Variants in MYO5A observed in about 807,000 individuals in gnomAD.
The protein encoded by MYO5A is unconventional myosin-Va.
A neutral mutation model predicts 249.7 loss-of-function variants in MYO5A; 98 were observed. The ratio of observed to expected loss-of-function variants is 0.39; its 90% confidence interval spans 0.33 to 0.46. The LOEUF (loss-of-function observed/expected upper bound fraction) is 0.46. Ranked by LOEUF, MYO5A falls within the 20% of genes least tolerant of loss-of-function variation. The pLI, the probability that MYO5A is intolerant of heterozygous loss-of-function variation, is 0.98. For missense variants in MYO5A, 1,696 were observed against 2,308.8 expected (o/e 0.73, Z 5.44); for synonymous variants, 778 against 810.6 (o/e 0.96, Z 0.68).
At chr15:52,314,004 A>C in intron 41 of MYO5A, 119 bp downstream of exon 41, 1 of 1,288,292 alleles carries the variant, frequency 7.8e-7, no homozygotes, top group East Asian at 2.4e-5. Flanking sequence ...TATTATCAAA[A>C]AAGTTAGTGC....
chr15:52,395,346 T>C (rs145965078), intron 11 of MYO5A, among the ~76,000 whole-genome samples: 3,428 of 152,312 alleles, frequency 0.023, 71 homozygotes, highest in Middle Eastern at 0.054. Flanking sequence ...ACCAAATTTG[T>C]AACTTGCAGT....
rs2040476177 is a variant in MYO5A at position 52,360,695 on chromosome 15, C to T, written c.3310-614G>A. On this transcript the variant is annotated intron_variant, in intron 24 of 41. Transcript: ENST00000399233. ...AGAGCCCTCGGTTATTACCTCAGGG[C>T]ATCCAGGTGGCATTTTTATGACATG... 1.3e-5 allele frequency among the ~76,000 whole-genome samples: 2 copies of T among 152,228 alleles called. 1 individual carries two copies. Among genetic ancestry groups the T allele is most frequent in the Middle Eastern group, 6.8e-3 (2 of 294 alleles).
intron 1 of MYO5A, among the ~76,000 whole-genome samples, chr15:52,472,080 ATTT>A (rs71130164): frequency 3.6e-5 from 5 of 139,544 alleles, no homozygotes; most frequent in Non-Finnish European, 3.1e-5. Context: ...TTATCCTGAC[ATTT>A]TTTTTTTTTT....
In MYO5A at chr15:52,307,572, G is replaced by A. The variant is rs1401477477; in HGVS notation, c.*6124C>T. On this transcript the variant is annotated 3_prime_UTR_variant, in exon 42 of 42. Coordinates refer to ENST00000399233, the MANE Select transcript of MYO5A (RefSeq NM_001382347.1). ...AGAGTTAGTTGATAATGCCTTTCAT[G>A]TCTCAGTATTTCTGCTTCCTTTTTA... 6.6e-6 allele frequency: 1 copy of A among 152,088 alleles called. No homozygotes were observed. Among genetic ancestry groups the A allele is most frequent in the African/African-American group, 2.4e-5 (1 of 41,432 alleles). The allele number at this position is 152,088 out of a possible 1,614,324, so 9.4% of individuals were successfully genotyped here.
chr15:52,322,327 T>A (rs958382777), intron 37 of MYO5A, among the ~76,000 whole-genome samples: 1 of 152,232 alleles, frequency 6.6e-6, no homozygotes, highest in Non-Finnish European at 1.5e-5. Context: ...TTTCCCATCA[T>A]CTGCCTGTCA....
intron 31 of MYO5A, among the ~76,000 whole-genome samples, chr15:52,342,870 C>T (rs1156595909): frequency 1.3e-5 from 2 of 151,352 alleles, no homozygotes; most frequent in Admixed American, 6.6e-5. Context: ...GAGCTGAGAT[C>T]GCACCACTGC....
chr15:52,401,597 G>T (rs1309935205), intron 9 of MYO5A, among the ~76,000 whole-genome samples: 2 of 152,012 alleles, frequency 1.3e-5, no homozygotes, highest in Admixed American at 1.3e-4. Flanking sequence ...AGTTTCCTCT[G>T]TCTTTGATAT....
chr15:52,405,235 A>C, intron 9 of MYO5A, 52 bp downstream of exon 9: 1 of 1,322,692 alleles, frequency 7.6e-7, no homozygotes. Flanking sequence ...ACAATCTACA[A>C]ATCTAAAACA....
At chr15:52,394,951 G>T (rs2042420169) in intron 11 of MYO5A, among the ~76,000 whole-genome samples, 1 of 152,202 alleles carries the variant, frequency 6.6e-6, no homozygotes, top group Non-Finnish European at 1.5e-5. Flanking sequence ...AAAGTTTTAA[G>T]ATCACTTCTA....
intron 6 of MYO5A, 105 bp downstream of exon 6, chr15:52,410,228 A>G (rs1238492262): frequency 1.5e-6 from 2 of 1,328,536 alleles, no homozygotes; most frequent in South Asian, 1.2e-5. Flanking sequence ...ATATTGTCAT[A>G]ATATGCTCAA....
Position 52,405,372 on chromosome 15 carries a change from A to G in MYO5A, c.968T>C (p.Met323Thr), listed in dbSNP as rs1172688121. The G allele has an allele frequency of 2.5e-6, 4 of 1,611,846 alleles. No individual in the cohort carries two copies. The African/African-American group carries it at 5.3e-5, about 22-fold the overall frequency. ...TLLGISESHQ[M>T]GIFRILAGIL... Reference sequence around the variant, plus strand: ...GCCAGCAAGTATTCGGAAAATTCCCATTTGATGAGATTCACTAATTCCTGA... The same window carrying G: ...GCCAGCAAGTATTCGGAAAATTCCCGTTTGATGAGATTCACTAATTCCTGA... The change falls in exon 9 of 42, where the codon ATG (methionine) becomes ACG (threonine). Residue 323 changes from methionine (M) to threonine (T), a missense_variant. Met to Thr is a moderately conservative substitution (Grantham distance 81, BLOSUM62 -1). Around this residue, in one of 5 missense-constraint regions of MYO5A, gnomAD observed 185 missense variants for 204.8 expected, o/e 0.90. Coordinates refer to ENST00000399233, the MANE Select transcript of MYO5A (RefSeq NM_001382347.1).
At chr15:52,497,424 G>GATAAATAA (rs71130165) in intron 1 of MYO5A, among the ~76,000 whole-genome samples, 3,315 of 147,384 alleles carry the variant, frequency 0.022, 51 homozygotes, top group Admixed American at 0.039. Context: ...TAAATAAATA[G>GATAAATAA]ATAAATAAAT....
intron 1 of MYO5A, among the ~76,000 whole-genome samples, chr15:52,449,997 G>A (rs1452350997): frequency 6.6e-6 from 1 of 151,884 alleles, no homozygotes; most frequent in African/African-American, 2.4e-5. Context: ...GCTAGATCCT[G>A]TCTCCAAAAA....
intron 1 of MYO5A, among the ~76,000 whole-genome samples, chr15:52,499,872 T>G (rs181148572): frequency 6.6e-6 from 1 of 152,202 alleles, no homozygotes; most frequent in African/African-American, 2.4e-5. Flanking sequence ...CTGGATCATA[T>G]GGTAATTATC....
intron 2 of MYO5A, among the ~76,000 whole-genome samples, 182 bp downstream of exon 2, chr15:52,432,993 T>C (rs1357639114): frequency 6.6e-6 from 1 of 152,262 alleles, no homozygotes; most frequent in Admixed American, 6.5e-5. Flanking sequence ...TTCACTAATC[T>C]ATGCCATTAA....
At chr15:52,353,457 A>G (rs2040052715) in intron 27 of MYO5A, 148 bp downstream of exon 27, 1 of 709,816 alleles carries the variant, frequency 1.4e-6, no homozygotes, top group Non-Finnish European at 2.5e-6. Flanking sequence ...AAGAAACAAC[A>G]CAAGAAGTAA....
chr15:52,354,900 A>G (rs1328048685), intron 25 of MYO5A, among the ~76,000 whole-genome samples: 1 of 152,204 alleles, frequency 6.6e-6, no homozygotes, highest in Non-Finnish European at 1.5e-5. Context: ...GAGCAGATAA[A>G]TATATCTTAA....
chr15:52,447,862 A>C (rs2075925810), intron 1 of MYO5A, among the ~76,000 whole-genome samples: 1 of 152,220 alleles, frequency 6.6e-6, no homozygotes, highest in Non-Finnish European at 1.5e-5. Context: ...AGAAATTTCT[A>C]AGCAGCAAAG....
At chr15:52,459,346 T>C (rs2076189897) in intron 1 of MYO5A, among the ~76,000 whole-genome samples, 1 of 151,704 alleles carries the variant, frequency 6.6e-6, no homozygotes, top group Admixed American at 6.6e-5. Context: ...CCCTGGGTAG[T>C]TGAGATTAGG....
Sources: gnomAD v4.1 joint callset for allele counts (sites outside exome capture counted in the v4.1 genomes callset) on GRCh38, gnomAD v4.1.1 for gene constraint, gnomAD v4.1.1 regional missense constraint, MANE v1.5 for transcripts, NCBI Gene and HGNC (gene_info 2026-07-23, HGNC 2026-07-21) for gene names.